EMILIN1: variants seen among roughly 807,000 people sequenced by gnomAD.
EMILIN1 encodes the protein EMILIN-1.
A neutral mutation model predicts 82.4 loss-of-function variants in EMILIN1; 49 were observed. The ratio of observed to expected loss-of-function variants is 0.59; its 90% CI spans 0.47 to 0.75. EMILIN1 has a LOEUF of 0.75. EMILIN1 is among the 30% of genes least tolerant of loss of function. EMILIN1 has a pLI of 0.00. For synonymous variants in EMILIN1, 604 were observed against 602.2 expected, an observed-to-expected ratio of 1.00 and a Z score of -0.04; for missense variants, 1,313 against 1,366.4, an observed-to-expected ratio of 0.96 and a Z score of 0.62.
At position 27,082,504 on chromosome 2, in the gene EMILIN1, C is replaced by T. The variant is rs746655124; in HGVS notation, c.933C>T (p.Gly311=). The stretch of plus-strand genomic sequence containing the variant: ...CCGTGTGCCTGGCCGGGCTAGATGG[C>T]TTCCGCCGGCAGCAGCAGGAGGACA... ...SCSVCLAGLD[G]FRRQQQEDRE... The change falls in exon 4 of 8, where the codon GGC becomes GGT. Residue 311 remains glycine (G), a synonymous_variant. Transcript: ENST00000380320. 5.2e-6 allele frequency: 8 copies of T among 1,547,098 alleles called. No homozygotes were observed. In the Admixed American group the frequency reaches 1.6e-4, roughly 30 times the overall value.
intron 2 of EMILIN1, 88 bp from the exon 3 acceptor site, chr2:27,080,644 C>A: frequency 8.8e-7 from 1 of 1,137,130 alleles, no homozygotes; most frequent in Non-Finnish European, 1.3e-6. Flanking sequence ...AGGCCATGCC[C>A]ACCAGCAGCT....
Position 27,078,792 on chromosome 2 carries a change from A to G in EMILIN1, c.-274A>G. The G allele has an allele frequency of 2.6e-6, 1 of 387,586 alleles. No homozygotes were observed. The highest frequency in any genetic ancestry group is 6.7e-5 in the South Asian group (1 of 14,910). The allele number at this position is 387,586 out of a possible 1,614,324, so 24.0% of individuals were successfully genotyped here. A position where few individuals can be genotyped will look rare whatever the true frequency, so the allele number is the denominator to read the frequency against. ...GGGCAGGGACCAGGCGCGGGAGGCC[A>G]GAGGGGGCACAGAGAACAAACCCCC... On this transcript the variant is annotated 5_prime_UTR_variant, in exon 1 of 8. Coordinates refer to ENST00000380320, the MANE Select transcript of EMILIN1 (RefSeq NM_007046.4).
rs143086287 is a variant in EMILIN1, at chr2:27,085,738, G to C, written c.2774G>C (p.Arg925Pro). Residue 925 changes from arginine to proline, a missense_variant, in exon 8 of 8, where the codon CGG becomes CCG. Coordinates refer to ENST00000380320, the MANE Select transcript of EMILIN1 (RefSeq NM_007046.4). ...CTGAGCGCGGTGCTGACTGGGCACC[G>C]GCACGAGAAAGTGGAGGCCGTGCTG... ...YLLSAVLTGH[R>P]HEKVEAVLSR... 2 of 1,610,456 alleles carry C rather than the reference G, an allele frequency of 1.2e-6. No homozygotes were observed. The highest frequency in any genetic ancestry group is 1.7e-6 in the Non-Finnish European group (2 of 1,177,910).
chr2:27,086,117 G>A lies in EMILIN1; in HGVS notation c.*102G>A, dbSNP rs1030683100. The A allele has an allele frequency of 3.6e-5, 32 of 898,478 alleles. No individual in the cohort carries two copies. The highest frequency in any genetic ancestry group is 4.5e-5 in the Non-Finnish European group (30 of 667,702). The allele number at this position is 898,478 out of a possible 1,614,324, so 55.7% of individuals were successfully genotyped here. ...ACGGGGCACCTAGCCCTGGGCGAGC[G>A]CCGCACCCGGGCCCGCAGCGGCACC... On this transcript the variant is annotated 3_prime_UTR_variant, in exon 8 of 8. Transcript: ENST00000380320.
chr2:27,085,344 G>A (rs1255125308), intron 7 of EMILIN1, 47 bp downstream of exon 7: 1 of 1,608,368 alleles, frequency 6.2e-7, no homozygotes, highest in Non-Finnish European at 8.5e-7. Context: ...AATGGGTGAG[G>A]TGTGCAGTGA....
At chr2:27,084,952 C>T (rs1669571368) in intron 5 of EMILIN1, 39 bp from the exon 6 acceptor site, 9 of 1,604,178 alleles carry the variant, frequency 5.6e-6, no homozygotes, top group Non-Finnish European at 7.7e-6. Flanking sequence ...TTAGTGAGAG[C>T]TGCTTTATTT....
Position 27,080,739 on chromosome 2 carries a change from C to T in EMILIN1, c.298C>T (p.Arg100Cys), listed in dbSNP as rs774226942. The change falls in exon 3 of 8, where the codon CGC (arginine) becomes TGC (cysteine). Residue 100 changes from arginine (R) to cysteine (C), a missense_variant. Coordinates refer to ENST00000380320, the MANE Select transcript of EMILIN1 (RefSeq NM_007046.4). ...TCCTTCTGCCTCTGCCAGGTACCGC[C>T]GCTTCCTCCGCCCTCGCTACCGTGT... ...PQCPQSIMYR[R>C]FLRPRYRVAY... 60 of 1,612,448 alleles carry T rather than the reference C, an allele frequency of 3.7e-5. No individual in the cohort carries two copies. Among genetic ancestry groups the T allele is most frequent in the Non-Finnish European group, 4.7e-5 (55 of 1,179,474 alleles).
chr2:27,081,631 G>A (rs755982368), intron 3 of EMILIN1, among the ~76,000 whole-genome samples: 14 of 152,138 alleles, frequency 9.2e-5, no homozygotes, highest in African/African-American at 1.7e-4. Flanking sequence ...CTCCCATTTC[G>A]CCCCTCTTGA....
At chr2:27,085,626 G>C in intron 7 of EMILIN1, 52 bp from the exon 8 acceptor site, 1 of 1,511,830 alleles carries the variant, frequency 6.6e-7, no homozygotes, top group South Asian at 1.2e-5. Flanking sequence ...AGGAGTTCTG[G>C]TGCGCTCCCC....
In EMILIN1 at chr2:27,080,690, C is replaced by T. The variant is rs576039779; in HGVS notation, c.291-42C>T. ...GAGGACAGGGACCAGGGTCACTGAC[C>T]GTACAGGGAGGAATAAAGAGGCCTC... On this transcript the variant is annotated intron_variant, in intron 2 of 7. Coordinates refer to ENST00000380320, the MANE Select transcript of EMILIN1 (RefSeq NM_007046.4). The T allele has an allele frequency of 2.2e-4, 344 of 1,530,044 alleles. 3 individuals carry two copies. The South Asian group carries it at 2.6e-3, about 12-fold the overall frequency. The allele number at this position is 1,530,044 out of a possible 1,614,324, so 94.8% of individuals were successfully genotyped here.
rs35464488 is a variant in EMILIN1 at position 27,082,373 on chromosome 2, A to G, written c.802A>G (p.Ser268Gly). The change falls in exon 4 of 8, where the codon AGC becomes GGC. Residue 268 changes from serine (S) to glycine (G), a missense_variant. Ser to Gly is a moderately conservative substitution (Grantham distance 56). Coordinates refer to ENST00000380320, the MANE Select transcript of EMILIN1 (RefSeq NM_007046.4). Reference protein sequence around the residue: ...LGHLNNHHGGSSSSGGSRAPA... With the variant: ...LGHLNNHHGGGSSSGGSRAPA... ...TCACCTCAACAACCATCATGGCGGCAGCAGCAGCAGTGGGGGCAGCAGGGC... is the reference window on the plus strand; with the variant it reads ...TCACCTCAACAACCATCATGGCGGCGGCAGCAGCAGTGGGGGCAGCAGGGC... 696 of 1,610,166 alleles carry G rather than the reference A, an allele frequency of 4.3e-4. 5 individuals carry two copies. The African/African-American group carries it at 7.9e-3, about 18-fold the overall frequency.
At chr2:27,084,308 C>T in intron 4 of EMILIN1, 107 bp from the exon 5 acceptor site, 1 of 756,000 alleles carries the variant, frequency 1.3e-6, no homozygotes, top group Non-Finnish European at 2.3e-6. Context: ...TGCAAAGCTC[C>T]ACCTGTTCCA....
At position 27,082,656 on chromosome 2, in the gene EMILIN1, T is replaced by A. The variant is rs1239786605; in HGVS notation, c.1085T>A (p.Leu362Gln). 1 of 1,550,232 alleles carries A rather than the reference T, an allele frequency of 6.5e-7. No homozygotes were observed. The highest frequency in any genetic ancestry group is 8.7e-7 in the Non-Finnish European group (1 of 1,150,454). The change falls in exon 4 of 8, where the codon CTG (leucine) becomes CAG (glutamine). Residue 362 changes from leucine (L) to glutamine (Q), a missense_variant. By Grantham distance (113) the Leu-to-Gln change is moderately radical (BLOSUM62 -2). Transcript: ENST00000380320. ...ECCSPELGRR[L>Q]AELERRLDVV... Reference sequence around the variant, plus strand: ...TGCTCTCCAGAGCTGGGCCGGCGACTGGCAGAGCTGGAGCGCAGGCTGGAT... The same window carrying A: ...TGCTCTCCAGAGCTGGGCCGGCGACAGGCAGAGCTGGAGCGCAGGCTGGAT...
At position 27,082,699 on chromosome 2, in the gene EMILIN1, G is replaced by A; in HGVS notation, c.1128G>A (p.Val376=). ...GGCTGGATGTCGTGGCCGGCTCAGT[G>A]ACAGTGCTGAGTGGGCGGCGAGGCA... The part of the protein sequence containing the change: ...ERRLDVVAGS[V]TVLSGRRGTE... Residue 376 remains valine, a synonymous_variant, in exon 4 of 8, where the codon GTG becomes GTA. Transcript: ENST00000380320. 6.4e-7 allele frequency: 1 copy of A among 1,553,338 alleles called. No homozygotes were observed.
chr2:27,082,396 G>A lies in EMILIN1; in HGVS notation c.825G>A (p.Arg275=). Residue 275 remains arginine (R), a synonymous_variant, in exon 4 of 8, where the codon AGG becomes AGA. Coordinates refer to ENST00000380320, the MANE Select transcript of EMILIN1 (RefSeq NM_007046.4). ...GCAGCAGCAGCAGTGGGGGCAGCAG[G>A]GCCCCAGCCCCAGCCTCAGCCCCTC... ...HGGSSSSGGS[R]APAPASAPPG... 6.2e-7 allele frequency: 1 copy of A among 1,609,052 alleles called. No homozygotes were observed. Among genetic ancestry groups the A allele is most frequent in the Non-Finnish European group, 8.5e-7 (1 of 1,178,956 alleles).
Position 27,079,202 on chromosome 2 carries a change from C to CCCA in EMILIN1, c.138_140dup (p.Ala46_Gln47insHis). The CCCA allele has an allele frequency of 1.3e-6, 2 of 1,578,536 alleles. No homozygotes were observed. Among genetic ancestry groups the CCCA allele is most frequent in the Non-Finnish European group, 1.7e-6 (2 of 1,167,930 alleles). ...GCCCTCAGCCCCGGGGGGCCCCAGG[C>CCCA]CCAGATTGCCCCCCGGCCAGCCAGC... On this transcript the variant is annotated inframe_insertion, in exon 1 of 8. Coordinates refer to ENST00000380320, the MANE Select transcript of EMILIN1 (RefSeq NM_007046.4).
In EMILIN1 at chr2:27,080,193, C is replaced by T. The variant is rs758971060; in HGVS notation, c.213C>T (p.Val71=). 85 of 1,613,980 alleles carry T rather than the reference C, an allele frequency of 5.3e-5. No individual in the cohort carries two copies. Among genetic ancestry groups the T allele is most frequent in the Non-Finnish European group, 6.8e-5 (80 of 1,179,988 alleles). Residue 71 remains valine (V), a synonymous_variant, in exon 2 of 8, where the codon GTC becomes GTT. Coordinates refer to ENST00000380320, the MANE Select transcript of EMILIN1 (RefSeq NM_007046.4). Reference sequence around the variant, plus strand: ...TGGTGACCCGGACAGTGAGCTGTGTCCTTGAGGATGGAGTGGAGACATATG... The same window carrying T: ...TGGTGACCCGGACAGTGAGCTGTGTTCTTGAGGATGGAGTGGAGACATATG... ...AYVVTRTVSC[V]LEDGVETYVK...
intron 5 of EMILIN1, 43 bp downstream of exon 5, chr2:27,084,574 C>G (rs1162891550): frequency 2.5e-6 from 3 of 1,214,486 alleles, no homozygotes; most frequent in Non-Finnish European, 2.4e-6. Flanking sequence ...GTTGCCACTG[C>G]CCCCTCCAAC....
In EMILIN1 at chr2:27,082,618, C is replaced by G. The variant is rs559866168; in HGVS notation, c.1047C>G (p.Pro349=). The G allele has an allele frequency of 3.2e-6, 5 of 1,544,466 alleles. No homozygotes were observed. The highest frequency in any genetic ancestry group is 3.5e-6 in the Non-Finnish European group (4 of 1,147,118). The part of the protein sequence containing the change: ...HLAGLAVGRR[P]PQECCSPELG... ...CAGGGCTGGCGGTGGGCCGCAGGCCCCCTCAGGAATGCTGCTCTCCAGAGC... is the reference window on the plus strand; with the variant it reads ...CAGGGCTGGCGGTGGGCCGCAGGCCGCCTCAGGAATGCTGCTCTCCAGAGC... The change falls in exon 4 of 8, where the codon CCC becomes CCG. Residue 349 remains proline (P), a synonymous_variant. Coordinates refer to ENST00000380320, the MANE Select transcript of EMILIN1 (RefSeq NM_007046.4).
Sources: allele counts gnomAD v4.1 joint callset (sites outside exome capture counted in the v4.1 genomes callset), GRCh38; gene constraint gnomAD v4.1.1; transcripts MANE v1.5; gene names NCBI Gene and HGNC (gene_info 2026-07-23, HGNC 2026-07-21).